The following SH3RF1 variants were observed in gnomAD, a reference collection of about 807,000 sequenced individuals.
The protein encoded by SH3RF1 is E3 ubiquitin-protein ligase SH3RF1.
In SH3RF1, 32 loss-of-function variants were observed where a neutral mutation model predicts 74.0. That is an observed-to-expected ratio of 0.43 (90% CI 0.33 to 0.58). The LOEUF is 0.58. Ranked by LOEUF, SH3RF1 falls within the 20% of genes least tolerant of loss-of-function variation. SH3RF1 has a pLI of 0.05. For missense variants in SH3RF1, 954 were observed against 1,130.9 expected (o/e 0.84, Z 2.24); for synonymous variants, 396 against 439.6 (o/e 0.90, Z 1.24).
intron 2 of SH3RF1, among the ~76,000 whole-genome samples, chr4:169,234,758 C>T (rs1487993051): frequency 2.0e-5 from 3 of 152,272 alleles, no homozygotes; most frequent in South Asian, 4.1e-4. Flanking sequence ...CTACTAAAAA[C>T]AATTCACGGT....
At chr4:169,257,484 G>T (rs571526874) in intron 2 of SH3RF1, among the ~76,000 whole-genome samples, 1 of 152,254 alleles carries the variant, frequency 6.6e-6, no homozygotes, top group African/African-American at 2.4e-5. Context: ...AAACGACATG[G>T]TCGCTCTGTC....
intron 5 of SH3RF1, among the ~76,000 whole-genome samples, chr4:169,132,979 C>G (rs928632531): frequency 6.6e-6 from 1 of 152,150 alleles, no homozygotes; most frequent in African/African-American, 2.4e-5. Flanking sequence ...TTTGAAAGTT[C>G]AGCCATCACT....
At chr4:169,176,030 C>A (rs757955554) in intron 2 of SH3RF1, among the ~76,000 whole-genome samples, 11 of 152,158 alleles carry the variant, frequency 7.2e-5, no homozygotes, top group Non-Finnish European at 1.6e-4. Flanking sequence ...TGTCCACATG[C>A]ACATACCAAG....
At chr4:169,235,182 T>G (rs1730806679) in intron 2 of SH3RF1, among the ~76,000 whole-genome samples, 1 of 152,160 alleles carries the variant, frequency 6.6e-6, no homozygotes, top group Non-Finnish European at 1.5e-5. Flanking sequence ...AAAACAAGAA[T>G]GAATACAAAT....
intron 6 of SH3RF1, among the ~76,000 whole-genome samples, chr4:169,125,750 G>A (rs779657546): frequency 1.1e-4 from 16 of 152,092 alleles, no homozygotes; most frequent in Non-Finnish European, 1.3e-4. Context: ...TTTCCATTCA[G>A]CCCACTTTCA....
intron 2 of SH3RF1, among the ~76,000 whole-genome samples, chr4:169,190,571 G>C (rs1219665748): frequency 1.3e-5 from 2 of 151,452 alleles, no homozygotes; most frequent in African/African-American, 2.4e-5. Context: ...AGACTGAAAT[G>C]GTCATTTTAA....
intron 2 of SH3RF1, among the ~76,000 whole-genome samples, chr4:169,194,165 G>T (rs1734772343): frequency 6.6e-6 from 1 of 152,072 alleles, no homozygotes; most frequent in Non-Finnish European, 1.5e-5. Flanking sequence ...AATTTTTCTA[G>T]ACAGTACTAA....
At chr4:169,221,649 AC>A (rs1730565581) in intron 2 of SH3RF1, among the ~76,000 whole-genome samples, 1 of 152,186 alleles carries the variant, frequency 6.6e-6, no homozygotes, top group Non-Finnish European at 1.5e-5. Context: ...CTTATAACAT[AC>A]CTTGTAATCT....
intron 2 of SH3RF1, among the ~76,000 whole-genome samples, chr4:169,172,692 GT>G (rs1397799682): frequency 6.6e-6 from 1 of 152,150 alleles, no homozygotes; most frequent in Non-Finnish European, 1.5e-5. Context: ...CTAAGGTATT[GT>G]TGGCTGGCAG....
At chr4:169,173,015 T>G (rs1734357749) in intron 2 of SH3RF1, among the ~76,000 whole-genome samples, 1 of 152,226 alleles carries the variant, frequency 6.6e-6, no homozygotes. Context: ...TGTGAAATTC[T>G]AATACACTTG....
At chr4:169,192,806 A>ATATATATG (rs1734746173) in intron 2 of SH3RF1, among the ~76,000 whole-genome samples, 3 of 147,286 alleles carry the variant, frequency 2.0e-5, no homozygotes, top group African/African-American at 7.6e-5. Context: ...TTATATATAT[A>ATATATATG]TGATATATAT....
At chr4:169,155,022 T>C (rs924421191) in intron 4 of SH3RF1, among the ~76,000 whole-genome samples, 4 of 152,172 alleles carry the variant, frequency 2.6e-5, no homozygotes, top group South Asian at 2.1e-4. Flanking sequence ...GGAAGATTCA[T>C]TGACTTATTT....
chr4:169,227,169 A>G (rs1289910270), intron 2 of SH3RF1, among the ~76,000 whole-genome samples: 1 of 152,202 alleles, frequency 6.6e-6, no homozygotes, highest in Non-Finnish European at 1.5e-5. Flanking sequence ...CTGCCTTGAA[A>G]AAAAAACACA....
rs1478647230 is a variant in SH3RF1 at position 169,190,674 on chromosome 4, A to G, written c.394-33995T>C. Among the ~76,000 whole-genome samples the G allele has an allele frequency of 2.0e-5, 3 of 152,182 alleles. No individual in the cohort carries two copies. In the East Asian group the frequency reaches 5.8e-4, roughly 29 times the overall value. ...AAGAATTGATCCCAGTCCTATTGAC[A>G]CTATTCCGCAAGACAGAGAAAGAGG... On this transcript the variant is annotated intron_variant, in intron 2 of 11. Transcript: ENST00000284637.
intron 2 of SH3RF1, among the ~76,000 whole-genome samples, chr4:169,163,703 T>G (rs1429151414): frequency 2.0e-5 from 3 of 152,160 alleles, no homozygotes; most frequent in African/African-American, 7.2e-5. Flanking sequence ...TTCCACCTCA[T>G]ATTTTCCACC....
intron 2 of SH3RF1, among the ~76,000 whole-genome samples, chr4:169,248,183 G>A (rs1731036476): frequency 6.6e-6 from 1 of 152,154 alleles, no homozygotes; most frequent in African/African-American, 2.4e-5. Context: ...AAAGACACAT[G>A]CACACGTATG....
intron 5 of SH3RF1, among the ~76,000 whole-genome samples, chr4:169,135,707 G>T (rs935109646): frequency 6.6e-6 from 1 of 152,170 alleles, no homozygotes; most frequent in Non-Finnish European, 1.5e-5. Flanking sequence ...ATGATTGAAT[G>T]AATGCCCCAG....
chr4:169,146,589 C>G (rs1244465908), intron 4 of SH3RF1, among the ~76,000 whole-genome samples: 1 of 152,066 alleles, frequency 6.6e-6, no homozygotes, highest in African/African-American at 2.4e-5. Flanking sequence ...ATGACAAAAA[C>G]AAGAGCTAAG....
chr4:169,270,555 C>A (rs763825728), intron 1 of SH3RF1, among the ~76,000 whole-genome samples: 4 of 152,212 alleles, frequency 2.6e-5, no homozygotes, highest in African/African-American at 7.2e-5. Context: ...GCTTTCTAGC[C>A]CAGCCAAGAT....
Sources: allele counts gnomAD v4.1 joint callset (sites outside exome capture counted in the v4.1 genomes callset), GRCh38; gene constraint gnomAD v4.1.1; transcripts MANE v1.5; gene names NCBI Gene and HGNC (gene_info 2026-07-23, HGNC 2026-07-21).